Variants in PHEX observed in about 807,000 individuals in gnomAD.
PHEX encodes phosphate-regulating neutral endopeptidase PHEX.
Under a neutral mutation model 68.0 loss-of-function variants are expected in PHEX, and 16 were observed. The observed-to-expected ratio is 0.24, with a 90% CI of 0.16 to 0.36. The LOEUF is 0.36. Ranked by LOEUF, PHEX falls within the 10% of genes least tolerant of loss-of-function variation. The pLI is 1.00. For synonymous variants in PHEX, 208 were observed against 205.1 expected, an observed-to-expected ratio of 1.01 and a Z score of -0.12; for missense variants, 480 against 575.5, an observed-to-expected ratio of 0.83 and a Z score of 1.70.
chrX:22,146,091 A>C (rs1005595739), intron 12 of PHEX, among the ~76,000 whole-genome samples: 7 of 112,110 alleles, frequency 6.2e-5, no homozygotes, highest in Non-Finnish European at 1.3e-4. Flanking sequence ...TTGTTTTTGA[A>C]AGCATCTTTG....
Position 22,094,054 on chromosome X carries a change from G to A in PHEX, c.804G>A (p.Glu268=). 8.3e-7 allele frequency: 1 copy of A among 1,199,993 alleles called. No individual in the cohort carries two copies. The highest frequency in any genetic ancestry group is 1.1e-6 in the Non-Finnish European group (1 of 885,613). The change falls in exon 7 of 22, where the codon GAG becomes GAA. Residue 268 remains glutamate (E), a synonymous_variant. Coordinates refer to ENST00000379374, the MANE Select transcript of PHEX (RefSeq NM_000444.6). ...TAGGAGCTAACAGTTCCAGAGCAGA[G>A]CATGACATGAAGTCAGTGCTCAGAT... The part of the protein sequence containing the change: ...VLLGANSSRA[E]HDMKSVLRLE...
chrX:22,074,166 C>T (rs1048650432), intron 3 of PHEX, among the ~76,000 whole-genome samples: 1 of 110,641 alleles, frequency 9.0e-6, no homozygotes, highest in African/African-American at 3.3e-5. Context: ...TAATAACTCT[C>T]CAGGCTACAT....
At chrX:22,157,687 G>A (rs1303007852) in intron 12 of PHEX, among the ~76,000 whole-genome samples, 1 of 112,344 alleles carries the variant, frequency 8.9e-6, no homozygotes, top group African/African-American at 3.2e-5. Flanking sequence ...TGGTGTTTTA[G>A]GAGAGAGCAT....
chrX:22,038,448 T>G (rs1927124968), intron 1 of PHEX, 21 bp from the exon 2 acceptor site: 1 of 1,117,365 alleles, frequency 8.9e-7, no homozygotes, highest in Admixed American at 2.2e-5. Context: ...CTCAGCCATT[T>G]ATTGTGGTCT....
At position 22,055,666 on chromosome X, in the gene PHEX, A is replaced by G. The variant is rs139042312; in HGVS notation, c.349+8455A>G. ...AACCTCTGCCTCCCGGGTTCAAGCA[A>G]TTCTCCTGCCTCAGCTTCCTGAGTA... On this transcript the variant is annotated intron_variant, in intron 3 of 21. Transcript: ENST00000379374. Among the ~76,000 whole-genome samples the G allele has an allele frequency of 7.5e-3, 833 of 111,353 alleles. 5 individuals are homozygous for G. The highest frequency in any genetic ancestry group is 0.025 in the African/African-American group (760 of 30,587).
chrX:22,076,803 C>T (rs942012512), intron 4 of PHEX, among the ~76,000 whole-genome samples: 1 of 112,280 alleles, frequency 8.9e-6, no homozygotes, highest in African/African-American at 3.2e-5. Flanking sequence ...TGGCTTGAGA[C>T]AGAGACTGGG....
intron 3 of PHEX, among the ~76,000 whole-genome samples, chrX:22,056,364 C>T (rs1303447274): frequency 9.0e-6 from 1 of 111,171 alleles, no homozygotes; most frequent in East Asian, 2.8e-4. Context: ...TCTCTCTCTA[C>T]TCTGACATCC....
At chrX:22,141,081 GTGGTCCC>G (rs1932438266) in intron 12 of PHEX, among the ~76,000 whole-genome samples, 1 of 110,749 alleles carries the variant, frequency 9.0e-6, no homozygotes, top group Non-Finnish European at 1.9e-5. Flanking sequence ...GTCTCAAAGT[GTGGTCCC>G]CAGTCCAGAA....
At chrX:22,105,883 G>A (rs1204192817) in intron 9 of PHEX, among the ~76,000 whole-genome samples, 47 of 111,833 alleles carry the variant, frequency 4.2e-4, no homozygotes, top group Admixed American at 4.1e-3. Context: ...GATTTATTCA[G>A]ATTTTGGAAT....
At chrX:22,109,282 A>T (rs770446843) in intron 9 of PHEX, among the ~76,000 whole-genome samples, 1 of 112,424 alleles carries the variant, frequency 8.9e-6, no homozygotes, top group Admixed American at 9.4e-5. Flanking sequence ...GTGGATTTAT[A>T]TTCATTGTCA....
intron 15 of PHEX, among the ~76,000 whole-genome samples, chrX:22,193,976 C>T (rs1417244463): frequency 9.0e-6 from 1 of 111,705 alleles, no homozygotes; most frequent in Non-Finnish European, 1.9e-5. Flanking sequence ...CAAGAAAAGC[C>T]GACGTTTCCG....
chrX:22,243,672 G>T (rs1348177575), intron 20 of PHEX, among the ~76,000 whole-genome samples: 2 of 112,421 alleles, frequency 1.8e-5, no homozygotes, highest in African/African-American at 6.5e-5. Flanking sequence ...ACAAACATAT[G>T]AAAAATGCTC....
At chrX:22,044,176 G>C (rs1230693513) in intron 2 of PHEX, among the ~76,000 whole-genome samples, 2 of 110,385 alleles carry the variant, frequency 1.8e-5, no homozygotes, top group African/African-American at 6.6e-5. Context: ...TTGAGGGTTG[G>C]GGGCAGGGAA....
At chrX:22,225,140 G>A (rs1340504498) in intron 18 of PHEX, among the ~76,000 whole-genome samples, 2 of 106,821 alleles carry the variant, frequency 1.9e-5, no homozygotes, top group South Asian at 4.4e-4. Flanking sequence ...TGGCCCCTTC[G>A]TTTTTCAAAG....
intron 20 of PHEX, among the ~76,000 whole-genome samples, chrX:22,233,905 T>TTTTAGCCTGGTATTTTGGTTTTTGG: frequency 9.0e-6 from 1 of 111,188 alleles, no homozygotes; most frequent in Middle Eastern, 4.8e-3. Flanking sequence ...TTGGTTTTTG[T>TTTTAGCCTGGTATTTTGGTTTTTGG]AACTTTTAGC....
chrX:22,058,667 C>T (rs193200165), intron 3 of PHEX, among the ~76,000 whole-genome samples: 1 of 112,102 alleles, frequency 8.9e-6, no homozygotes, highest in Non-Finnish European at 1.9e-5. Flanking sequence ...ATAACACATT[C>T]ATTGGAGGCC....
chrX:22,129,640 C>A (rs1033999360), intron 11 of PHEX, among the ~76,000 whole-genome samples: 4 of 111,410 alleles, frequency 3.6e-5, no homozygotes, highest in African/African-American at 1.3e-4. Context: ...CTCTGGATCC[C>A]ATCACCTCCT....
intron 20 of PHEX, among the ~76,000 whole-genome samples, chrX:22,241,405 A>AAAAC (rs1335686853): frequency 8.9e-6 from 1 of 111,950 alleles, no homozygotes; most frequent in Non-Finnish European, 1.9e-5. Flanking sequence ...AAGCCAGCAG[A>AAAAC]AAACAAGAAA....
chrX:22,072,589 AT>A (rs1928954450), intron 3 of PHEX, among the ~76,000 whole-genome samples: 1 of 112,138 alleles, frequency 8.9e-6, no homozygotes, highest in African/African-American at 3.2e-5. Context: ...GTAATGGGAT[AT>A]TTTATAATAT....
Sources: gnomAD v4.1 joint callset for allele counts (sites outside exome capture counted in the v4.1 genomes callset) on GRCh38, gnomAD v4.1.1 for gene constraint, MANE v1.5 for transcripts, NCBI Gene and HGNC (gene_info 2026-07-23, HGNC 2026-07-21) for gene names.